The following ABLIM1 variants were observed in gnomAD, a reference collection of about 807,000 sequenced individuals.
ABLIM1 encodes the protein actin-binding LIM protein 1.
Under a neutral mutation model 107.0 loss-of-function variants are expected in ABLIM1, and 40 were observed. That is an observed-to-expected ratio of 0.37 (90% CI 0.29 to 0.49). ABLIM1 has a LOEUF of 0.49. Among genes scored for constraint, ABLIM1 ranks in the 20% least tolerant of loss-of-function variants. The probability of loss-of-function intolerance (pLI) is 0.97; values close to 1 mark genes in which losing one functional copy is unlikely to be tolerated. For missense variants in ABLIM1, 857 were observed against 1,008.5 expected (o/e 0.85, Z 2.04); for synonymous variants, 357 against 357.3 (o/e 1.00, Z 0.01).
chr10:114,590,267 T>C (rs1228911813), intron 2 of ABLIM1, among the ~76,000 whole-genome samples: 1 of 152,118 alleles, frequency 6.6e-6, no homozygotes, highest in Non-Finnish European at 1.5e-5. Flanking sequence ...TCTTAGAACA[T>C]ACCCCCATTG....
At chr10:114,698,692 A>G (rs1340024564) in intron 1 of ABLIM1, among the ~76,000 whole-genome samples, 1 of 152,160 alleles carries the variant, frequency 6.6e-6, no homozygotes, top group Non-Finnish European at 1.5e-5. Context: ...GTTACCAAGA[A>G]GGGAAAAGGA....
At chr10:114,772,444 A>C (rs2142849261), upstream of ABLIM1, among the ~76,000 whole-genome samples, 1 of 152,132 alleles carries the variant, frequency 6.6e-6, no homozygotes, top group South Asian at 2.1e-4. Context: ...TCTACCAAAA[A>C]AAAAAAATTT....
Position 114,710,528 on chromosome 10 carries a change from G to T in ABLIM1, c.-213+57533C>A, listed in dbSNP as rs143147961. On this transcript the variant is annotated intron_variant, in intron 1 of 15. Coordinates refer to the ABLIM1 transcript ENST00000651092. ...CCCATATTAAATTATCTCCCACCAG[G>T]TTCCTCCCACAACATGTGCAAATTA... is the stretch of plus-strand genomic sequence containing the variant. Among the ~76,000 whole-genome samples, 195 of 152,264 alleles carry T rather than the reference G, an allele frequency of 1.3e-3. 1 individual carries two copies. The highest frequency in any genetic ancestry group is 6.8e-3 in the Middle Eastern group (2 of 294).
intron 1 of ABLIM1, among the ~76,000 whole-genome samples, chr10:114,605,010 GT>G (rs2076311147): frequency 3.3e-5 from 5 of 152,168 alleles, no homozygotes; most frequent in Admixed American, 3.3e-4. Context: ...ACACCACAAA[GT>G]CCCCCATGCC....
At chr10:114,491,295 C>G (rs1036049350) in intron 7 of ABLIM1, among the ~76,000 whole-genome samples, 1 of 151,622 alleles carries the variant, frequency 6.6e-6, no homozygotes, top group Non-Finnish European at 1.5e-5. Flanking sequence ...AAGTCTGTGA[C>G]GTAATTCATC....
intron 6 of ABLIM1, among the ~76,000 whole-genome samples, chr10:114,523,936 A>G (rs1366290816): frequency 6.6e-6 from 1 of 152,206 alleles, no homozygotes; most frequent in East Asian, 1.9e-4. Context: ...AATTTTAATT[A>G]CGAAGAACTG....
intron 4 of ABLIM1, among the ~76,000 whole-genome samples, chr10:114,566,727 T>C (rs531367431): frequency 1.3e-5 from 2 of 152,360 alleles, no homozygotes; most frequent in East Asian, 3.9e-4. Flanking sequence ...AATCTTTCAC[T>C]GAAGTTGTTT....
At chr10:114,501,142 A>G (rs766259396) in intron 6 of ABLIM1, among the ~76,000 whole-genome samples, 4 of 152,212 alleles carry the variant, frequency 2.6e-5, no homozygotes, top group Non-Finnish European at 5.9e-5. Flanking sequence ...ACACCATGAT[A>G]GGCACCTCAC....
intron 4 of ABLIM1, among the ~76,000 whole-genome samples, chr10:114,562,621 AAAAC>A (rs1373173811): frequency 6.6e-6 from 1 of 152,232 alleles, no homozygotes; most frequent in Non-Finnish European, 1.5e-5. Context: ...TAAGTAAGGG[AAAAC>A]ACTTGTGAGA....
the ABLIM1 span, among the ~76,000 whole-genome samples, chr10:114,790,728 AG>A: frequency 5.3e-5 from 8 of 152,194 alleles, no homozygotes; most frequent in Non-Finnish European, 8.8e-5. Flanking sequence ...TTACACTAGA[AG>A]CATGTGAATG....
chr10:114,614,648 G>A (rs1409716471), intron 1 of ABLIM1, among the ~76,000 whole-genome samples: 1 of 152,202 alleles, frequency 6.6e-6, no homozygotes, highest in Non-Finnish European at 1.5e-5. Flanking sequence ...GTCAACACCA[G>A]TGTCAGCACC....
At chr10:114,690,531 C>T (rs745770008) in intron 1 of ABLIM1, 111 of 1,373,212 alleles carry the variant, frequency 8.1e-5, no homozygotes, top group Middle Eastern at 1.8e-4. Flanking sequence ...GCCCAGAACA[C>T]GAAGGTTTTC....
chr10:114,485,709 T>C (rs2058090365), intron 8 of ABLIM1, among the ~76,000 whole-genome samples: 1 of 152,210 alleles, frequency 6.6e-6, no homozygotes, highest in Admixed American at 6.5e-5. Flanking sequence ...GAGAATCTGT[T>C]GTTACAAATG....
intron 2 of ABLIM1, among the ~76,000 whole-genome samples, chr10:114,595,553 T>C (rs2075335100): frequency 6.6e-6 from 1 of 152,186 alleles, no homozygotes; most frequent in South Asian, 2.1e-4. Flanking sequence ...AAGGCTGTAA[T>C]GGACAAGGAT....
rs2078043889 is a variant in ABLIM1 at position 114,629,721 on chromosome 10, A to C, written c.245-27760T>G. On this transcript the variant is annotated intron_variant, in intron 1 of 22. Transcript: ENST00000533213. The surrounding 1 kb of genome is among the most constrained non-coding windows in gnomAD (Gnocchi z 4.0). ...AACCTACTTACCCTTTCTGATCCCC[A>C]GTTTTCTCATCTCTAGGATGAATGC... Among the ~76,000 whole-genome samples the C allele has an allele frequency of 6.6e-6, 1 of 152,242 alleles. No individual in the cohort carries two copies. The highest frequency in any genetic ancestry group is 2.4e-5 in the African/African-American group (1 of 41,536).
intron 1 of ABLIM1, among the ~76,000 whole-genome samples, chr10:114,721,807 C>T (rs2081853987): frequency 6.6e-6 from 1 of 152,026 alleles, no homozygotes; most frequent in African/African-American, 2.4e-5. Flanking sequence ...ATTTTTAAGC[C>T]TTATAATCAA....
At chr10:114,671,055 C>A (rs2080233373) in intron 1 of ABLIM1, among the ~76,000 whole-genome samples, 1 of 152,170 alleles carries the variant, frequency 6.6e-6, no homozygotes, top group Non-Finnish European at 1.5e-5. Flanking sequence ...ATACCTAACA[C>A]CCCAGAAGGT....
intron 17 of ABLIM1, among the ~76,000 whole-genome samples, chr10:114,442,987 C>T (rs750486547): frequency 8.1e-4 from 123 of 152,136 alleles, no homozygotes; most frequent in Middle Eastern, 3.4e-3. Flanking sequence ...TGCAGGAGCC[C>T]GCCACCACAC....
chr10:114,693,775 A>G (rs1265321814), intron 1 of ABLIM1, among the ~76,000 whole-genome samples: 3 of 151,862 alleles, frequency 2.0e-5, no homozygotes, highest in Admixed American at 2.0e-4. Flanking sequence ...CAGCCTCCCA[A>G]ACAGCTAGGA....
Sources: gnomAD v4.1 joint callset for allele counts (sites outside exome capture counted in the v4.1 genomes callset) on GRCh38, gnomAD v4.1.1 for gene constraint, Gnocchi (gnomAD v3.1) non-coding constraint, MANE v1.5 for transcripts, NCBI Gene and HGNC (gene_info 2026-07-23, HGNC 2026-07-21) for gene names.